The following DYRK1A variants were observed in gnomAD, a reference collection of about 807,000 sequenced individuals.
DYRK1A encodes dual specificity tyrosine phosphorylation regulated kinase 1A.
In DYRK1A, 9 loss-of-function variants were observed where a neutral mutation model predicts 79.7. That is an observed-to-expected ratio of 0.11 (90% CI 0.07 to 0.20). DYRK1A has a LOEUF of 0.20. DYRK1A is among the 10% of genes least tolerant of loss of function. DYRK1A has a pLI of 1.00. For synonymous variants in DYRK1A, 349 were observed against 329.7 expected (o/e 1.06, Z -0.63); for missense variants, 622 against 956.0 (o/e 0.65, Z 4.61).
In DYRK1A at chr21:37,433,044, A is replaced by AAAATATAT. The variant is rs372461775; in HGVS notation, c.10+12661_10+12662insAATATATA. Among the ~76,000 whole-genome samples the AAAATATAT allele has an allele frequency of 1.7e-3, 243 of 140,510 alleles. 1 individual carries two copies. Among genetic ancestry groups the AAAATATAT allele is most frequent in the African/African-American group, 5.8e-3 (214 of 37,010 alleles). The allele number at this position is 140,510 out of a possible 152,430, so 92.2% of individuals were successfully genotyped here. On this transcript the variant is annotated intron_variant, in intron 2 of 11. Transcript: ENST00000647188. ...CTTACTTTCTTTACTAGGAATTCTA[A>AAAATATAT]ATATATATATATATATATATATGTA...
At chr21:37,474,956 A>G (rs1322285153) in intron 3 of DYRK1A, among the ~76,000 whole-genome samples, 1 of 152,252 alleles carries the variant, frequency 6.6e-6, no homozygotes, top group African/African-American at 2.4e-5. Context: ...CTGATTCTTC[A>G]TTATATAGGA....
intron 1 of DYRK1A, chr21:37,415,524 G>C (rs1441793714): frequency 1.3e-5 from 2 of 152,026 alleles, no homozygotes; most frequent in Non-Finnish European, 2.9e-5. Flanking sequence ...GAGTGCAGTG[G>C]CATGATCAGG....
At chr21:37,391,105 C>T (rs2049861784) in intron 1 of DYRK1A, among the ~76,000 whole-genome samples, 1 of 152,122 alleles carries the variant, frequency 6.6e-6, no homozygotes, top group South Asian at 2.1e-4. Context: ...GCATTTGTTA[C>T]CAAATTTCAG....
chr21:37,440,066 T>G (rs1231132926), intron 2 of DYRK1A, among the ~76,000 whole-genome samples: 1 of 151,276 alleles, frequency 6.6e-6, no homozygotes, highest in Non-Finnish European at 1.5e-5. Flanking sequence ...TGTTTTTCTG[T>G]TTTGTTGATT....
chr21:37,430,365 T>G (rs985422788), intron 2 of DYRK1A: 1 of 985,162 alleles, frequency 1.0e-6, no homozygotes. Flanking sequence ...ACTGAGGTCG[T>G]TCCAGTCATA....
intron 11 of DYRK1A, among the ~76,000 whole-genome samples, chr21:37,509,982 A>G (rs567560608): frequency 3.3e-5 from 5 of 152,224 alleles, no homozygotes; most frequent in Non-Finnish European, 7.3e-5. Context: ...TAGCATGTCC[A>G]CACAGTAGAT....
chr21:37,414,798 C>T (rs921620016), intron 1 of DYRK1A, among the ~76,000 whole-genome samples: 3 of 152,062 alleles, frequency 2.0e-5, no homozygotes, highest in Admixed American at 6.6e-5. Flanking sequence ...TATCTATTCA[C>T]AAGAGAATAG....
chr21:37,486,067 C>T (rs2052853050), intron 5 of DYRK1A: 1 of 152,304 alleles, frequency 6.6e-6, no homozygotes, highest in African/African-American at 2.4e-5. Context: ...GTTCAGGTAT[C>T]TCTCATTAAA....
At chr21:37,467,632 A>G (rs747653334) in intron 2 of DYRK1A, among the ~76,000 whole-genome samples, 7 of 152,250 alleles carry the variant, frequency 4.6e-5, no homozygotes, top group Non-Finnish European at 7.3e-5. Flanking sequence ...CAGAAAGAGC[A>G]TTTAATAAAA....
chr21:37,460,404 G>A (rs1347144570), intron 2 of DYRK1A, among the ~76,000 whole-genome samples: 1 of 152,142 alleles, frequency 6.6e-6, no homozygotes, highest in East Asian at 1.9e-4. Flanking sequence ...GTCTTGCGGC[G>A]TTCACATCTC....
intron 11 of DYRK1A, 75 bp from the exon 12 acceptor site, chr21:37,511,836 G>A: frequency 2.6e-6 from 4 of 1,516,228 alleles, no homozygotes; most frequent in Non-Finnish European, 3.6e-6. Context: ...GTTTGTTAGT[G>A]TCATGGCTTT....
intron 1 of DYRK1A, among the ~76,000 whole-genome samples, chr21:37,404,620 G>A (rs368547923): frequency 6.6e-6 from 1 of 152,168 alleles, no homozygotes; most frequent in African/African-American, 2.4e-5. Context: ...CCTCTAGTTC[G>A]TTTCACCATG....
chr21:37,442,234 G>T (rs922956696), intron 2 of DYRK1A, among the ~76,000 whole-genome samples: 6 of 151,842 alleles, frequency 4.0e-5, no homozygotes, highest in African/African-American at 7.3e-5. Context: ...TGAACTTTTA[G>T]ATCTATGGGT....
chr21:37,476,818 T>TCCCC lies in DYRK1A; in HGVS notation c.208-1381_208-1378dup, dbSNP rs71328590. On this transcript the variant is annotated intron_variant, in intron 3 of 11. Coordinates refer to ENST00000647188, the MANE Select transcript of DYRK1A (RefSeq NM_001347721.2). The stretch of plus-strand genomic sequence containing the variant: ...GACAAATAGTATAATCACCAAGGGT[T>TCCCC]CCCCCCCCCCCCAACCTTATTTGGA... 5.9e-3 allele frequency among the ~76,000 whole-genome samples: 456 copies of TCCCC among 77,804 alleles called. 8 individuals carry two copies. The highest frequency in any genetic ancestry group is 0.014 in the African/African-American group (274 of 19,062). The allele number at this position is 77,804 out of a possible 152,430, so 51.0% of individuals were successfully genotyped here. A position where few individuals can be genotyped will look rare whatever the true frequency, so the allele number is the denominator to read the frequency against.
chr21:37,450,415 G>A (rs954299352), intron 2 of DYRK1A, among the ~76,000 whole-genome samples: 8 of 152,190 alleles, frequency 5.3e-5, no homozygotes, highest in African/African-American at 1.4e-4. Flanking sequence ...TTTTTATCAC[G>A]TTGTTAAGCC....
At chr21:37,434,693 GT>G (rs1489325143) in intron 2 of DYRK1A, among the ~76,000 whole-genome samples, 1 of 152,028 alleles carries the variant, frequency 6.6e-6, no homozygotes, top group Non-Finnish European at 1.5e-5. Flanking sequence ...ACTTAATTGG[GT>G]TTTATTTTAA....
chr21:37,478,138 T>C (rs751645439), intron 3 of DYRK1A, 70 bp from the exon 4 acceptor site: 187 of 1,598,568 alleles, frequency 1.2e-4, no homozygotes, highest in Non-Finnish European at 1.3e-4. Context: ...AGAGGGAATT[T>C]ATATCTTATA....
At chr21:37,389,661 G>A (rs766612924) in intron 1 of DYRK1A, among the ~76,000 whole-genome samples, 52 of 151,756 alleles carry the variant, frequency 3.4e-4, no homozygotes, top group Admixed American at 9.2e-4. Flanking sequence ...CATGTGGCTT[G>A]TATTTAGGAG....
intron 1 of DYRK1A, among the ~76,000 whole-genome samples, chr21:37,379,926 A>G (rs1370652297): frequency 3.9e-5 from 6 of 152,168 alleles, no homozygotes; most frequent in African/African-American, 9.7e-5. Context: ...AACAAAGGCC[A>G]CTCCTGTCCC....
Sources: allele counts gnomAD v4.1 joint callset (sites outside exome capture counted in the v4.1 genomes callset), GRCh38; gene constraint gnomAD v4.1.1; transcripts MANE v1.5; gene names NCBI Gene and HGNC (gene_info 2026-07-23, HGNC 2026-07-21).